CADM2: variants seen among roughly 807,000 people sequenced by gnomAD.
The protein encoded by CADM2 is immunoglobulin superfamily member 4D.
CADM2 carries 12 observed loss-of-function variants against 49.8 expected under a neutral mutation model. The observed-to-expected ratio is 0.24, with a 90% CI of 0.15 to 0.39. The LOEUF (loss-of-function observed/expected upper bound fraction) is 0.39. Among genes scored for constraint, CADM2 ranks in the 10% least tolerant of loss-of-function variants. The pLI, the probability that CADM2 is intolerant of heterozygous loss-of-function variation, is 1.00. For synonymous variants in CADM2, 214 were observed against 175.4 expected, an observed-to-expected ratio of 1.22 and a Z score of -1.74; for missense variants, 378 against 492.3, an observed-to-expected ratio of 0.77 and a Z score of 2.20.
At chr3:85,051,432 C>T (rs967395702) in intron 1 of CADM2, among the ~76,000 whole-genome samples, 2 of 152,036 alleles carry the variant, frequency 1.3e-5, no homozygotes, top group African/African-American at 2.4e-5. Flanking sequence ...TAGGTTGAAA[C>T]GATCACTGGA....
intron 1 of CADM2, among the ~76,000 whole-genome samples, chr3:85,299,815 G>T (rs1425206766): frequency 6.6e-6 from 1 of 152,064 alleles, no homozygotes; most frequent in Non-Finnish European, 1.5e-5. Flanking sequence ...TGTTTGGAAA[G>T]ATTTAATAGG....
intron 1 of CADM2, among the ~76,000 whole-genome samples, chr3:85,662,241 T>TA: frequency 6.6e-6 from 1 of 151,574 alleles, no homozygotes; most frequent in Admixed American, 6.6e-5. Context: ...GGGTTTTTTT[T>TA]TTTTTTTGGT....
intron 1 of CADM2, among the ~76,000 whole-genome samples, chr3:85,675,955 G>C (rs1434330656): frequency 6.6e-6 from 1 of 152,162 alleles, no homozygotes; most frequent in Non-Finnish European, 1.5e-5. Context: ...CTACTACCAG[G>C]CTTTCAGCAT....
chr3:85,441,923 A>C (rs570084669), intron 1 of CADM2, among the ~76,000 whole-genome samples: 1 of 152,218 alleles, frequency 6.6e-6, no homozygotes, highest in East Asian at 1.9e-4. Context: ...AGGTGGAACT[A>C]TAAGCAGAAG....
chr3:85,983,943 G>T (rs1200456529), intron 8 of CADM2, among the ~76,000 whole-genome samples: 1 of 150,562 alleles, frequency 6.6e-6, no homozygotes, highest in Non-Finnish European at 1.5e-5. Context: ...TGGAAATTGC[G>T]TAATTTTTTA....
chr3:85,917,118 G>A (rs1718453837), intron 6 of CADM2, among the ~76,000 whole-genome samples: 1 of 152,046 alleles, frequency 6.6e-6, no homozygotes, highest in African/African-American at 2.4e-5. Context: ...TCTGTAGGTT[G>A]CCTGTTCACT....
At chr3:85,800,624 A>C (rs938051698) in intron 2 of CADM2, among the ~76,000 whole-genome samples, 2 of 152,156 alleles carry the variant, frequency 1.3e-5, no homozygotes, top group Non-Finnish European at 2.9e-5. Flanking sequence ...CATCCCTTAC[A>C]GCACAGGACC....
chr3:85,451,736 C>T (rs540795149), intron 1 of CADM2, among the ~76,000 whole-genome samples: 1 of 152,094 alleles, frequency 6.6e-6, no homozygotes, highest in Non-Finnish European at 1.5e-5. Flanking sequence ...TTTAAAATGA[C>T]ATTTTATTTA....
At chr3:85,412,150 A>G (rs1339007499) in intron 1 of CADM2, among the ~76,000 whole-genome samples, 2 of 152,102 alleles carry the variant, frequency 1.3e-5, no homozygotes, top group Non-Finnish European at 2.9e-5. Context: ...TTTCTTTGAA[A>G]AGCCTTACAC....
chr3:85,198,163 AAC>A (rs2041392478), intron 1 of CADM2, among the ~76,000 whole-genome samples: 1 of 151,910 alleles, frequency 6.6e-6, no homozygotes, highest in Non-Finnish European at 1.5e-5. Context: ...TGGCCTAATT[AAC>A]AGAATTATAA....
At chr3:85,413,448 A>G (rs1185382247) in intron 1 of CADM2, among the ~76,000 whole-genome samples, 1 of 152,156 alleles carries the variant, frequency 6.6e-6, no homozygotes, top group Non-Finnish European at 1.5e-5. Flanking sequence ...ACTGCTATAA[A>G]GAAATACCTG....
intron 1 of CADM2, among the ~76,000 whole-genome samples, chr3:85,103,395 CA>C (rs367757319): frequency 0.03 from 4,555 of 150,122 alleles, 218 homozygotes; most frequent in African/African-American, 0.1. Flanking sequence ...TGAGCTTCAA[CA>C]AAAAAAAATG....
intron 1 of CADM2, among the ~76,000 whole-genome samples, chr3:85,718,337 T>C (rs548399335): frequency 6.6e-6 from 1 of 152,324 alleles, no homozygotes; most frequent in East Asian, 1.9e-4. Context: ...CCGTGTACTT[T>C]AGTTATTGAG....
chr3:85,276,122 A>G (rs1433739823), intron 1 of CADM2, among the ~76,000 whole-genome samples: 1 of 151,302 alleles, frequency 6.6e-6, no homozygotes, highest in Non-Finnish European at 1.5e-5. Flanking sequence ...TAAGATATGT[A>G]ATCACTTGTT....
At chr3:85,311,692 A>T (rs1220491768) in intron 1 of CADM2, among the ~76,000 whole-genome samples, 1 of 152,034 alleles carries the variant, frequency 6.6e-6, no homozygotes, top group African/African-American at 2.4e-5. Context: ...TTTTTATTTT[A>T]AAGTTGGGAC....
In CADM2 at chr3:85,116,099, G is replaced by T. The variant is rs1413291624; in HGVS notation, c.61+156431G>T. Among the ~76,000 whole-genome samples, 5 of 152,328 alleles carry T rather than the reference G, an allele frequency of 3.3e-5. 1 individual carries two copies. The South Asian group carries it at 1.0e-3, about 32-fold the overall frequency. On this transcript the variant is annotated intron_variant, in intron 1 of 9. Coordinates refer to ENST00000383699, the MANE Select transcript of CADM2 (RefSeq NM_001167675.2). Reference sequence around the variant, plus strand: ...CCCAGCACTTTGGGAGGCTGAGGCGGGCAGATTACTTGAGGTCAAGAGTTT... The same window carrying T: ...CCCAGCACTTTGGGAGGCTGAGGCGTGCAGATTACTTGAGGTCAAGAGTTT...
At chr3:85,039,896 T>A (rs887663320) in intron 1 of CADM2, among the ~76,000 whole-genome samples, 7 of 152,178 alleles carry the variant, frequency 4.6e-5, no homozygotes, top group Non-Finnish European at 8.8e-5. Context: ...AGCAATAGTT[T>A]CAGCAGCCAA....
chr3:85,200,211 G>T (rs1465900332), intron 1 of CADM2, among the ~76,000 whole-genome samples: 1 of 151,932 alleles, frequency 6.6e-6, no homozygotes, highest in African/African-American at 2.4e-5. Flanking sequence ...TTCCTTGCAG[G>T]TTTAAGAAAG....
chr3:85,044,449 A>G (rs1472467807), intron 1 of CADM2, among the ~76,000 whole-genome samples: 1 of 152,190 alleles, frequency 6.6e-6, no homozygotes, highest in Non-Finnish European at 1.5e-5. Context: ...ATTTTAGGTC[A>G]GTTGGAAGGA....
Sources: gnomAD v4.1 joint callset for allele counts (sites outside exome capture counted in the v4.1 genomes callset) on GRCh38, gnomAD v4.1.1 for gene constraint, MANE v1.5 for transcripts, NCBI Gene and HGNC (gene_info 2026-07-23, HGNC 2026-07-21) for gene names.